Variants in SEMA4D observed in about 807,000 individuals in gnomAD.
SEMA4D encodes the protein semaphorin 4D, also known as semaphorin-4D.
A neutral mutation model predicts 74.8 loss-of-function variants in SEMA4D; 22 were observed. The ratio of observed to expected loss-of-function variants is 0.29; its 90% CI spans 0.21 to 0.42. The LOEUF (loss-of-function observed/expected upper bound fraction) is 0.42. Ranked by LOEUF, SEMA4D falls within the 10% of genes least tolerant of loss-of-function variation. The probability of loss-of-function intolerance (pLI) is 1.00; values close to 1 mark genes in which losing one functional copy is unlikely to be tolerated. For synonymous variants in SEMA4D, 445 were observed against 463.7 expected, an observed-to-expected ratio of 0.96 and a Z score of 0.52; for missense variants, 937 against 1,118.4, an observed-to-expected ratio of 0.84 and a Z score of 2.31.
At chr9:89,421,967 TC>T (rs1847060559) in intron 2 of SEMA4D, among the ~76,000 whole-genome samples, 1 of 152,240 alleles carries the variant, frequency 6.6e-6, no homozygotes, top group African/African-American at 2.4e-5. Context: ...CTATTCGAAT[TC>T]CTTCCTTAAT....
At chr9:89,399,615 G>A (rs1364690251) in intron 4 of SEMA4D, among the ~76,000 whole-genome samples, 3 of 152,146 alleles carry the variant, frequency 2.0e-5, no homozygotes, top group Non-Finnish European at 2.9e-5. Context: ...AATCAAACTC[G>A]TGAAAGTGGA....
At chr9:89,419,116 C>T (rs767511204) in intron 2 of SEMA4D, among the ~76,000 whole-genome samples, 5 of 152,060 alleles carry the variant, frequency 3.3e-5, no homozygotes, top group Non-Finnish European at 5.9e-5. Flanking sequence ...CCCCTCGGGG[C>T]CGACACATCC....
exon 19 of SEMA4D, chr9:89,361,593 G>GACTC (rs1832769640): frequency 6.6e-6 from 1 of 152,232 alleles, no homozygotes; most frequent in South Asian, 2.1e-4. Context: ...ACACTCATGA[G>GACTC]ACTCATTCCA....
At chr9:89,464,872 C>G (rs919970142) in intron 1 of SEMA4D, among the ~76,000 whole-genome samples, 1 of 152,240 alleles carries the variant, frequency 6.6e-6, no homozygotes, top group Non-Finnish European at 1.5e-5. Flanking sequence ...GGGTCCTGCT[C>G]TCTGCTCAGC....
intron 6 of SEMA4D, among the ~76,000 whole-genome samples, chr9:89,395,763 C>A (rs1840827486): frequency 1.3e-5 from 2 of 152,156 alleles, no homozygotes; most frequent in Non-Finnish European, 2.9e-5. Context: ...CGTCTGTGTG[C>A]AAATACCAGG....
At chr9:89,472,528 C>G (rs191022777) in intron 1 of SEMA4D, 1 of 262,142 alleles carries the variant, frequency 3.8e-6, no homozygotes, top group African/African-American at 2.3e-5. Context: ...ACAGTCCTAA[C>G]GACATGGTGG....
chr9:89,446,721 G>T (rs1852961283), intron 2 of SEMA4D, among the ~76,000 whole-genome samples: 1 of 152,130 alleles, frequency 6.6e-6, no homozygotes, highest in African/African-American at 2.4e-5. Context: ...CTAAAACAAG[G>T]CAGCAGCAGG....
At chr9:89,394,986 A>G (rs531211943) in intron 6 of SEMA4D, among the ~76,000 whole-genome samples, 6 of 152,346 alleles carry the variant, frequency 3.9e-5, no homozygotes, top group African/African-American at 1.2e-4. Flanking sequence ...AAGCACACAT[A>G]TGTACACAGA....
At chr9:89,474,997 C>T (rs1479985044) in intron 1 of SEMA4D, among the ~76,000 whole-genome samples, 1 of 152,248 alleles carries the variant, frequency 6.6e-6, no homozygotes, top group Admixed American at 6.5e-5. Context: ...GGGAGGGTTT[C>T]ACAGCTGCCC....
At chr9:89,384,307 A>T (rs560814370) in intron 13 of SEMA4D, among the ~76,000 whole-genome samples, 11 of 152,222 alleles carry the variant, frequency 7.2e-5, no homozygotes, top group Non-Finnish European at 1.6e-4. Flanking sequence ...CATACGACAG[A>T]GGAGTATGTA....
intron 13 of SEMA4D, chr9:89,385,122 G>A (rs920438796): frequency 2.1e-5 from 20 of 930,490 alleles, no homozygotes; most frequent in South Asian, 4.9e-5. Context: ...CGAGTTCTGG[G>A]AGATGGCGGG....
At chr9:89,465,545 AG>A (rs1858469214) in intron 1 of SEMA4D, among the ~76,000 whole-genome samples, 1 of 152,172 alleles carries the variant, frequency 6.6e-6, no homozygotes, top group Admixed American at 6.5e-5. Context: ...TTGGAGCTAG[AG>A]GTTGCACAAC....
intron 3 of SEMA4D, 118 bp downstream of exon 3, chr9:89,405,233 C>G: frequency 1.2e-6 from 1 of 827,398 alleles, no homozygotes; most frequent in Non-Finnish European, 2.0e-6. Flanking sequence ...CCCAGCCACC[C>G]GCCTCAGCAT....
chr9:89,421,548 G>A (rs1409778836), intron 2 of SEMA4D, among the ~76,000 whole-genome samples: 1 of 152,162 alleles, frequency 6.6e-6, no homozygotes, highest in Non-Finnish European at 1.5e-5. Context: ...CTATTCAATA[G>A]GTAAACTCCA....
intron 1 of SEMA4D, among the ~76,000 whole-genome samples, chr9:89,488,352 C>CTTTTTTTTTTTTTTTT (rs1158168446): frequency 4.8e-5 from 3 of 62,592 alleles, no homozygotes; most frequent in African/African-American, 6.4e-5. Flanking sequence ...GATCACAGAT[C>CTTTTTTTTTTTTTTTT]TTTTTTTTTT....
chr9:89,405,076 G>GGGGTCCCCATCCCA (rs1843042510), intron 3 of SEMA4D, among the ~76,000 whole-genome samples: 1 of 111,556 alleles, frequency 9.0e-6, no homozygotes, highest in Admixed American at 9.6e-5. Flanking sequence ...TCCCCATCCT[G>GGGGTCCCCATCCCA]TCCCCAGCCA....
chr9:89,392,565 AGG>A (rs760239795), intron 7 of SEMA4D, 29 bp from the exon 8 acceptor site: 1 of 1,445,632 alleles, frequency 6.9e-7, no homozygotes, highest in South Asian at 1.1e-5. Flanking sequence ...AAAGAGGAAA[AGG>A]GAACCAACCT....
intron 2 of SEMA4D, chr9:89,450,659 G>C: frequency 7.2e-6 from 3 of 419,366 alleles, no homozygotes; most frequent in Non-Finnish European, 3.9e-6. Context: ...GAAAAACCCA[G>C]GAAAAAAAAA....
chr9:89,403,163 A>G, intron 3 of SEMA4D, 147 bp from the exon 4 acceptor site: 1 of 900,614 alleles, frequency 1.1e-6, no homozygotes, highest in East Asian at 2.7e-5. Context: ...TGTTGCTGCA[A>G]CAGGCACTGC....
Sources: gnomAD v4.1 joint callset for allele counts (sites outside exome capture counted in the v4.1 genomes callset) on GRCh38, gnomAD v4.1.1 for gene constraint, MANE v1.5 for transcripts, NCBI Gene and HGNC (gene_info 2026-07-23, HGNC 2026-07-21) for gene names.